COL26A1: variants seen among roughly 807,000 people sequenced by gnomAD.
COL26A1 encodes the protein collagen alpha-1(XXVI) chain.
Under a neutral mutation model 59.3 loss-of-function variants are expected in COL26A1, and 41 were observed. The observed-to-expected ratio is 0.69, with a 90% CI of 0.54 to 0.90. COL26A1 has a LOEUF of 0.90. Among genes scored for constraint, COL26A1 ranks in the 40% least tolerant of loss-of-function variants. The pLI, the probability that COL26A1 is intolerant of heterozygous loss-of-function variation, is 0.00. For missense variants in COL26A1, 612 were observed against 602.3 expected, an observed-to-expected ratio of 1.02 and a Z score of -0.17; for synonymous variants, 266 against 256.0, an observed-to-expected ratio of 1.04 and a Z score of -0.37.
chr7:101,473,590 C>G (rs1477982821), intron 3 of COL26A1, among the ~76,000 whole-genome samples: 1 of 149,660 alleles, frequency 6.7e-6, no homozygotes, highest in Admixed American at 6.7e-5. Flanking sequence ...GCCCAGGCAA[C>G]AGAGCAACAC....
At chr7:101,456,290 C>T (rs953167721) in intron 3 of COL26A1, among the ~76,000 whole-genome samples, 14 of 151,440 alleles carry the variant, frequency 9.2e-5, no homozygotes, top group Admixed American at 9.2e-4. Flanking sequence ...TGGCTCACTG[C>T]AACCTTGACC....
chr7:101,462,319 T>C (rs1427304780), intron 3 of COL26A1, among the ~76,000 whole-genome samples: 1 of 150,000 alleles, frequency 6.7e-6, no homozygotes, highest in Non-Finnish European at 1.5e-5. Flanking sequence ...TTTAAACTTA[T>C]CTCCTTTTCT....
chr7:101,519,539 G>A (rs2130606412), intron 3 of COL26A1, among the ~76,000 whole-genome samples: 1 of 152,350 alleles, frequency 6.6e-6, no homozygotes, highest in Non-Finnish European at 1.5e-5. Flanking sequence ...GAGGCCAGGG[G>A]ACAGGCTTCC....
At chr7:101,545,580 G>A (rs1367728521) in intron 7 of COL26A1, 90 bp downstream of exon 7, 4 of 1,370,520 alleles carry the variant, frequency 2.9e-6, no homozygotes, top group Admixed American at 2.9e-5. Context: ...CTGGGAAGTG[G>A]ACCCCACCAC....
chr7:101,463,913 C>CTT (rs1554416115), intron 3 of COL26A1, among the ~76,000 whole-genome samples: 3 of 41,116 alleles, frequency 7.3e-5, no homozygotes, highest in African/African-American at 1.2e-4. Flanking sequence ...TTTTCTTTCT[C>CTT]TCTTTCTTTC....
intron 1 of COL26A1, among the ~76,000 whole-genome samples, chr7:101,387,778 A>ATATT (rs773025730): frequency 1.5e-4 from 13 of 84,800 alleles, no homozygotes; most frequent in African/African-American, 4.5e-4. Context: ...ATATATATAT[A>ATATT]TTTTTTTTTA....
At chr7:101,378,280 G>C (rs1340109939) in intron 1 of COL26A1, among the ~76,000 whole-genome samples, 1 of 152,050 alleles carries the variant, frequency 6.6e-6, no homozygotes, top group East Asian at 1.9e-4. Context: ...CTTGGTATTG[G>C]CTCTGTTTCT....
At chr7:101,494,108 TCTA>T (rs762937069) in intron 3 of COL26A1, among the ~76,000 whole-genome samples, 2 of 127,108 alleles carry the variant, frequency 1.6e-5, no homozygotes, top group Non-Finnish European at 3.6e-5. Context: ...CACAGGTACT[TCTA>T]CTTCTATTGC....
chr7:101,375,859 G>A (rs915851587), intron 1 of COL26A1, among the ~76,000 whole-genome samples: 1 of 151,750 alleles, frequency 6.6e-6, no homozygotes, highest in African/African-American at 2.4e-5. Flanking sequence ...GGTGGCGGGT[G>A]CCTGTAGTCC....
chr7:101,473,365 T>C (rs544545208), intron 3 of COL26A1, among the ~76,000 whole-genome samples: 27 of 152,196 alleles, frequency 1.8e-4, no homozygotes, highest in East Asian at 5.8e-4. Flanking sequence ...CGTGAGCCAC[T>C]GCGCCCGGCC....
intron 2 of COL26A1, among the ~76,000 whole-genome samples, chr7:101,437,373 TGGGGGCGGAGTTCCGAATG>T (rs905993270): frequency 1.6e-4 from 18 of 114,800 alleles, no homozygotes; most frequent in Middle Eastern, 5.6e-3. Context: ...GAGTCCTGAA[TGGGGGCGGAGTTCCGAATG>T]GGGGGCGGAG....
intron 3 of COL26A1, among the ~76,000 whole-genome samples, chr7:101,498,723 T>A (rs1209421990): frequency 6.6e-6 from 1 of 152,218 alleles, no homozygotes; most frequent in East Asian, 1.9e-4. Flanking sequence ...AGCAGTGAGA[T>A]GTTCTTCTAG....
At chr7:101,525,720 T>A (rs1388593429) in intron 3 of COL26A1, among the ~76,000 whole-genome samples, 1 of 151,950 alleles carries the variant, frequency 6.6e-6, no homozygotes, top group Non-Finnish European at 1.5e-5. Context: ...ATGGTCTCGA[T>A]CTCCTGACCT....
intron 3 of COL26A1, among the ~76,000 whole-genome samples, chr7:101,495,461 T>G (rs4996450): frequency 2.6e-5 from 4 of 151,184 alleles, no homozygotes; most frequent in African/African-American, 9.7e-5. Flanking sequence ...CAGGCTGGAG[T>G]GCAGTGGCAT....
chr7:101,521,147 C>T (rs1795134314), intron 3 of COL26A1, among the ~76,000 whole-genome samples: 1 of 152,178 alleles, frequency 6.6e-6, no homozygotes, highest in African/African-American at 2.4e-5. Flanking sequence ...GCAGGGGGAA[C>T]TGCCACTTTT....
chr7:101,548,643 G>A (rs1466118871), intron 8 of COL26A1, among the ~76,000 whole-genome samples: 1 of 151,852 alleles, frequency 6.6e-6, no homozygotes, highest in Non-Finnish European at 1.5e-5. Context: ...AGAGACGCCA[G>A]GAGGGTGTCT....
intron 3 of COL26A1, among the ~76,000 whole-genome samples, chr7:101,466,795 G>GGTGTGT (rs59942660): frequency 0.055 from 6,873 of 124,960 alleles, 253 homozygotes; most frequent in Middle Eastern, 0.12. Context: ...GGCATGTTCT[G>GGTGTGT]GTGTGTGTGT....
intron 3 of COL26A1, among the ~76,000 whole-genome samples, chr7:101,529,549 A>G (rs1795321622): frequency 6.6e-6 from 1 of 152,146 alleles, no homozygotes; most frequent in Non-Finnish European, 1.5e-5. Context: ...GTGAGCCACC[A>G]TGCCCGGCCT....
At chr7:101,409,729 G>T (rs1028974220) in intron 1 of COL26A1, among the ~76,000 whole-genome samples, 7 of 152,212 alleles carry the variant, frequency 4.6e-5, no homozygotes, top group African/African-American at 1.7e-4. Flanking sequence ...ACAGGAGATA[G>T]TTCTCAAATC....
Sources: gnomAD v4.1 joint callset for allele counts (sites outside exome capture counted in the v4.1 genomes callset) on GRCh38, gnomAD v4.1.1 for gene constraint, MANE v1.5 for transcripts, NCBI Gene and HGNC (gene_info 2026-07-23, HGNC 2026-07-21) for gene names.